FOXD4L6: variants seen among roughly 807,000 people sequenced by gnomAD.
FOXD4L6 encodes forkhead box D4 like 6.
A neutral mutation model predicts 12.9 loss-of-function variants in FOXD4L6; 1 was observed. The ratio of observed to expected loss-of-function variants is 0.08; its 90% CI spans 0.03 to 0.37. The LOEUF (loss-of-function observed/expected upper bound fraction) is 0.37, where lower values mean the gene tolerates loss of function less well. Ranked by LOEUF, FOXD4L6 falls within the 10% of genes least tolerant of loss-of-function variation. FOXD4L6 has a pLI of 0.99. For synonymous variants in FOXD4L6, 10 were observed against 164.7 expected (o/e 0.06, Z 7.19); for missense variants, 23 against 369.9 (o/e 0.06, Z 7.69).
Position 41,126,997 on chromosome 9 carries a change from C to T in FOXD4L6, c.*133G>A. On this transcript the variant is annotated 3_prime_UTR_variant, in exon 1 of 1. Coordinates refer to ENST00000622588, the MANE Select transcript of FOXD4L6 (RefSeq NM_001085476.4). ...CGGGTCGCTCCCCACTCCCACCTGG[C>T]TCTAGGAGGGCCCTGCGGAGTTGGC... The T allele has an allele frequency of 2.0e-6, 3 of 1,515,678 alleles. No homozygotes were observed. The highest frequency in any genetic ancestry group is 1.3e-5 in the South Asian group (1 of 75,516). 93.9% of individuals were successfully genotyped at this position (1,515,678 alleles called of 1,614,324 possible).
At position 41,126,870 on chromosome 9, in the gene FOXD4L6, C is replaced by T; in HGVS notation, c.*260G>A. 7.4e-6 allele frequency: 4 copies of T among 542,004 alleles called. No individual in the cohort carries two copies. Among genetic ancestry groups the T allele is most frequent in the Non-Finnish European group, 1.3e-5 (4 of 302,634 alleles). The allele number at this position is 542,004 out of a possible 1,614,324, so 33.6% of individuals were successfully genotyped here. On this transcript the variant is annotated 3_prime_UTR_variant, in exon 1 of 1. Transcript: ENST00000622588. ...TTAGAGGAACGTAATCCAGCTGTTTCTTTCTAACCATTTTGCAGCGAACAG... is the reference window on the plus strand; with the variant it reads ...TTAGAGGAACGTAATCCAGCTGTTTTTTTCTAACCATTTTGCAGCGAACAG...
In FOXD4L6 at chr9:41,126,996, G is replaced by A; in HGVS notation, c.*134C>T. ...GCGGGTCGCTCCCCACTCCCACCTG[G>A]CTCTAGGAGGGCCCTGCGGAGTTGG... On this transcript the variant is annotated 3_prime_UTR_variant, in exon 1 of 1. Transcript: ENST00000622588. The A allele has an allele frequency of 7.3e-6, 11 of 1,515,404 alleles. No individual in the cohort carries two copies. The highest frequency in any genetic ancestry group is 7.1e-6 in the Non-Finnish European group (8 of 1,134,092). The allele number at this position is 1,515,404 out of a possible 1,614,324, so 93.9% of individuals were successfully genotyped here.
chr9:41,127,280 C>A lies in FOXD4L6; in HGVS notation c.1104G>T (p.Leu368=). 6.2e-7 allele frequency: 1 copy of A among 1,605,726 alleles called. No homozygotes were observed. The highest frequency in any genetic ancestry group is 8.5e-7 in the Non-Finnish European group (1 of 1,175,756). The change falls in exon 1 of 1, where the codon CTG becomes CTT. Residue 368 remains leucine, a synonymous_variant. Coordinates refer to ENST00000622588, the MANE Select transcript of FOXD4L6 (RefSeq NM_001085476.4). The part of the protein sequence containing the change: ...DHQACCIPRP[L]PLCCKCPPPP... ...GCGGCGGACACTTGCAGCAAAGGGG[C>A]AGCGGTCTGGGGATGCAACAGGCTT...
Position 41,126,516 on chromosome 9 carries a change from GAC to G in FOXD4L6, c.*612_*613del. On this transcript the variant is annotated 3_prime_UTR_variant, in exon 1 of 1. Transcript: ENST00000622588. ...TTTTAACATTAAAGATGGCACGTCA[GAC>G]ACACAGATAAGAAATCAATGTTCTG... The G allele has an allele frequency of 1.9e-5, 1 of 53,116 alleles. No individual in the cohort carries two copies. Among genetic ancestry groups the G allele is most frequent in the East Asian group, 4.6e-4 (1 of 2,158 alleles). The allele number at this position is 53,116 out of a possible 1,614,324, so 3.3% of individuals were successfully genotyped here.
chr9:41,127,344 C>T lies in FOXD4L6; in HGVS notation c.1040G>A (p.Arg347Gln), dbSNP rs1824944087. 3.1e-6 allele frequency: 5 copies of T among 1,611,824 alleles called. No individual in the cohort carries two copies. Among genetic ancestry groups the T allele is most frequent in the South Asian group, 2.2e-5 (2 of 90,976 alleles). The change falls in exon 1 of 1, where the codon CGA becomes CAA. Residue 347 changes from arginine (R) to glutamine (Q), a missense_variant. Arg to Gln is a conservative substitution (Grantham distance 43, BLOSUM62 1). Coordinates refer to ENST00000622588, the MANE Select transcript of FOXD4L6 (RefSeq NM_001085476.4). ...GCAGGTGGCAGTAGCTCCACGCGGT[C>T]GGGGACAAACTCTGCGCAGCCCCTG... ...RVQGLRRVCPRPRGATATCSS... is the reference protein window; with the variant it reads ...RVQGLRRVCPQPRGATATCSS...
chr9:41,127,340 CG>C, the FOXD4L6 span: 1 of 1,611,624 alleles, frequency 6.2e-7, no homozygotes, highest in African/African-American at 1.3e-5. Flanking sequence ...TAGCTCCACG[CG>C]GTCGGGGACA....
At chr9:41,127,363 GC>G in the FOXD4L6 span, 1 of 1,611,828 alleles carries the variant, frequency 6.2e-7, no homozygotes, top group Admixed American at 1.7e-5. Context: ...ACTCTGCGCA[GC>G]CCCTGTACCC....
rs1477329567 is a variant in FOXD4L6, at chr9:41,126,850, G to C, written c.*280C>G. On this transcript the variant is annotated 3_prime_UTR_variant, in exon 1 of 1. Coordinates refer to ENST00000622588, the MANE Select transcript of FOXD4L6 (RefSeq NM_001085476.4). ...AGGTTACGTTCAGGTGGTTTTTAGA[G>C]GAACGTAATCCAGCTGTTTCTTTCT... The C allele has an allele frequency of 9.9e-6, 6 of 605,344 alleles. No individual in the cohort carries two copies. The South Asian group carries it at 1.3e-4, about 13-fold the overall frequency. 37.5% of individuals were successfully genotyped at this position (605,344 alleles called of 1,614,324 possible).
chr9:41,126,850 G>A lies in FOXD4L6; in HGVS notation c.*280C>T, dbSNP rs1477329567. ...AGGTTACGTTCAGGTGGTTTTTAGAGGAACGTAATCCAGCTGTTTCTTTCT... is the reference window on the plus strand; with the variant it reads ...AGGTTACGTTCAGGTGGTTTTTAGAAGAACGTAATCCAGCTGTTTCTTTCT... On this transcript the variant is annotated 3_prime_UTR_variant, in exon 1 of 1. Coordinates refer to ENST00000622588, the MANE Select transcript of FOXD4L6 (RefSeq NM_001085476.4). 4.6e-5 allele frequency: 28 copies of A among 605,344 alleles called. 2 individuals carry two copies. The Admixed American group carries it at 6.7e-4, about 15-fold the overall frequency. 37.5% of individuals were successfully genotyped at this position (605,344 alleles called of 1,614,324 possible). A position where few individuals can be genotyped will look rare whatever the true frequency, so the allele number is the denominator to read the frequency against.
rs1248515313 is a variant in FOXD4L6, at chr9:41,126,934, C to T, written c.*196G>A. On this transcript the variant is annotated 3_prime_UTR_variant, in exon 1 of 1. Transcript: ENST00000622588. ...CTCTCCAGCGGGATTCAGATGCACA[C>T]GCCCTGAATGGGCCGCGCAAGGTGA... 5.3e-6 allele frequency: 8 copies of T among 1,508,674 alleles called. No individual in the cohort carries two copies. Among genetic ancestry groups the T allele is most frequent in the Non-Finnish European group, 7.1e-6 (8 of 1,128,594 alleles). 93.5% of individuals were successfully genotyped at this position (1,508,674 alleles called of 1,614,324 possible).
chr9:41,127,005 G>C lies in FOXD4L6; in HGVS notation c.*125C>G. 4 of 1,501,238 alleles carry C rather than the reference G, an allele frequency of 2.7e-6. No individual in the cohort carries two copies. In the South Asian group the frequency reaches 4.0e-5, roughly 15 times the overall value. 93.0% of individuals were successfully genotyped at this position (1,501,238 alleles called of 1,614,324 possible). A position where few individuals can be genotyped will look rare whatever the true frequency, so the allele number is the denominator to read the frequency against. ...TCCCCACTCCCACCTGGCTCTAGGAGGGCCCTGCGGAGTTGGCCAGGGAAC... is the reference window on the plus strand; with the variant it reads ...TCCCCACTCCCACCTGGCTCTAGGACGGCCCTGCGGAGTTGGCCAGGGAAC... On this transcript the variant is annotated 3_prime_UTR_variant, in exon 1 of 1. Transcript: ENST00000622588.
At position 41,127,180 on chromosome 9, in the gene FOXD4L6, G is replaced by T; in HGVS notation, c.1204C>A (p.Pro402Thr). 1.2e-6 allele frequency: 2 copies of T among 1,601,768 alleles called. No individual in the cohort carries two copies. Among genetic ancestry groups the T allele is most frequent in the Middle Eastern group, 2.3e-4 (1 of 4,412 alleles). Residue 402 changes from proline to threonine, a missense_variant, in exon 1 of 1, where the codon CCA becomes ACA. Physicochemically the swap from Pro to Thr is conservative, Grantham distance 38 (BLOSUM62 -1). Coordinates refer to ENST00000622588, the MANE Select transcript of FOXD4L6 (RefSeq NM_001085476.4). Reference sequence around the variant, plus strand: ...GTGCCCGCCCAGCACCGCGCCCTTGGTGGGAGCGCAGCCGTTGGCGCAGTC... The same window carrying T: ...GTGCCCGCCCAGCACCGCGCCCTTGTTGGGAGCGCAGCCGTTGGCGCAGTC... ...RRTAPTAALP[P>T]RARCWAGTCR...
In FOXD4L6 at chr9:41,126,921, A is replaced by T; in HGVS notation, c.*209T>A. The T allele has an allele frequency of 6.7e-7, 1 of 1,481,918 alleles. No homozygotes were observed. The highest frequency in any genetic ancestry group is 1.4e-5 in the South Asian group (1 of 73,962). 91.8% of individuals were successfully genotyped at this position (1,481,918 alleles called of 1,614,324 possible). ...AAGTTCGTGTTTGCTCTCCAGCGGG[A>T]TTCAGATGCACACGCCCTGAATGGG... On this transcript the variant is annotated 3_prime_UTR_variant, in exon 1 of 1. Transcript: ENST00000622588.
chr9:41,126,909 C>T lies in FOXD4L6; in HGVS notation c.*221G>A, dbSNP rs1824932505. 3 of 1,424,458 alleles carry T rather than the reference C, an allele frequency of 2.1e-6. No homozygotes were observed. Among genetic ancestry groups the T allele is most frequent in the Non-Finnish European group, 2.8e-6 (3 of 1,055,470 alleles). 88.2% of individuals were successfully genotyped at this position (1,424,458 alleles called of 1,614,324 possible). ...TGCAGCGAACAGAAGTTCGTGTTTG[C>T]TCTCCAGCGGGATTCAGATGCACAC... On this transcript the variant is annotated 3_prime_UTR_variant, in exon 1 of 1. Transcript: ENST00000622588.
At position 41,127,142 on chromosome 9, in the gene FOXD4L6, A is replaced by G; in HGVS notation, c.1242T>C (p.Arg414=). The G allele has an allele frequency of 6.5e-7, 1 of 1,532,682 alleles. No homozygotes were observed. Among genetic ancestry groups the G allele is most frequent in the Non-Finnish European group, 8.9e-7 (1 of 1,126,906 alleles). 94.9% of individuals were successfully genotyped at this position (1,532,682 alleles called of 1,614,324 possible). The change falls in exon 1 of 1, where the codon CGT becomes CGC. Residue 414 remains arginine, a synonymous_variant. Coordinates refer to ENST00000622588, the MANE Select transcript of FOXD4L6 (RefSeq NM_001085476.4). The part of the protein sequence containing the change: ...ARCWAGTCRP[R]RPC ...ACTGCCTGATACCTCAGCAGGGCCG[A>G]CGAGGCCGACAGGTGCCCGCCCAGC...
chr9:41,127,240 G>C lies in FOXD4L6; in HGVS notation c.1144C>G (p.Gln382Glu). 6 of 1,609,500 alleles carry C rather than the reference G, an allele frequency of 3.7e-6. No homozygotes were observed. The South Asian group carries it at 6.6e-5, about 18-fold the overall frequency. ...CKCPPPPLLGQFCSNSSSIRR... is the reference protein window; with the variant it reads ...CKCPPPPLLGEFCSNSSSIRR... ...ATGCTGCTGCTATTGCTGCAAAATT[G>C]TCCGAGCAGCGGCGGCGGCGGACAC... Residue 382 changes from glutamine to glutamate, a missense_variant, in exon 1 of 1, where the codon CAA (glutamine) becomes GAA (glutamate). Physicochemically the swap from Gln to Glu is conservative, Grantham distance 29 (BLOSUM62 2). Transcript: ENST00000622588.
At position 41,126,998 on chromosome 9, in the gene FOXD4L6, T is replaced by A. The variant is rs1283308180; in HGVS notation, c.*132A>T. On this transcript the variant is annotated 3_prime_UTR_variant, in exon 1 of 1. Transcript: ENST00000622588. ...GGGTCGCTCCCCACTCCCACCTGGCTCTAGGAGGGCCCTGCGGAGTTGGCC... is the reference window on the plus strand; with the variant it reads ...GGGTCGCTCCCCACTCCCACCTGGCACTAGGAGGGCCCTGCGGAGTTGGCC... 6.6e-7 allele frequency: 1 copy of A among 1,514,752 alleles called. No individual in the cohort carries two copies. Among genetic ancestry groups the A allele is most frequent in the Non-Finnish European group, 8.8e-7 (1 of 1,133,702 alleles). The allele number at this position is 1,514,752 out of a possible 1,614,324, so 93.8% of individuals were successfully genotyped here.
In FOXD4L6 at chr9:41,127,076, C is replaced by T. The variant is rs1006735147; in HGVS notation, c.*54G>A. 7.1e-7 allele frequency: 1 copy of T among 1,401,534 alleles called. No individual in the cohort carries two copies. The highest frequency in any genetic ancestry group is 2.5e-5 in the East Asian group (1 of 40,762). 86.8% of individuals were successfully genotyped at this position (1,401,534 alleles called of 1,614,324 possible). A position where few individuals can be genotyped will look rare whatever the true frequency, so the allele number is the denominator to read the frequency against. On this transcript the variant is annotated 3_prime_UTR_variant, in exon 1 of 1. Transcript: ENST00000622588. ...AAAACTGGTGAGGTCCCCTCTCCGC[C>T]CAAAGGGGCAGCCAGCGATGTCAGC...
At position 41,126,981 on chromosome 9, in the gene FOXD4L6, C is replaced by T; in HGVS notation, c.*149G>A. On this transcript the variant is annotated 3_prime_UTR_variant, in exon 1 of 1. Transcript: ENST00000622588. ...GTGAAGTGAGCAGCTGCGGGTCGCT[C>T]CCCACTCCCACCTGGCTCTAGGAGG... The T allele has an allele frequency of 1.3e-6, 2 of 1,521,958 alleles. No individual in the cohort carries two copies. The highest frequency in any genetic ancestry group is 1.8e-6 in the Non-Finnish European group (2 of 1,137,630). 94.3% of individuals were successfully genotyped at this position (1,521,958 alleles called of 1,614,324 possible).
Sources: allele counts gnomAD v4.1 joint callset, GRCh38; gene constraint gnomAD v4.1.1; transcripts MANE v1.5; gene names NCBI Gene and HGNC (gene_info 2026-07-23, HGNC 2026-07-21).